The following KIAA0753 variants were observed in gnomAD, a reference collection of about 807,000 sequenced individuals.
The protein encoded by KIAA0753 is KIAA0753.
Under a neutral mutation model 116.9 loss-of-function variants are expected in KIAA0753, and 114 were observed. That is an observed-to-expected ratio of 0.98 (90% confidence interval 0.84 to 1.14). The LOEUF (loss-of-function observed/expected upper bound fraction) is 1.14, where lower values mean the gene tolerates loss of function less well. Among genes scored for constraint, KIAA0753 ranks in the 50% most tolerant of loss-of-function variants. The pLI is 0.00. For missense variants in KIAA0753, 1,156 were observed against 1,172.4 expected, an observed-to-expected ratio of 0.99 and a Z score of 0.20; for synonymous variants, 405 against 413.1, an observed-to-expected ratio of 0.98 and a Z score of 0.24.
chr17:6,589,748 C>T (rs1423554432), intron 18 of KIAA0753, 31 bp downstream of exon 18: 4 of 1,556,020 alleles, frequency 2.6e-6, no homozygotes, highest in Middle Eastern at 4.0e-4. Context: ...CAATTTGGTT[C>T]CTAAACAGAG....
At chr17:6,624,663 G>A (rs1971549687) in intron 4 of KIAA0753, 92 bp downstream of exon 4, 5 of 804,948 alleles carry the variant, frequency 6.2e-6, no homozygotes, top group Non-Finnish European at 1.0e-5. Context: ...ATACTCTAGT[G>A]CTAATCTTTC....
chr17:6,614,910 T>A (rs1970779844), intron 7 of KIAA0753, among the ~76,000 whole-genome samples: 1 of 152,202 alleles, frequency 6.6e-6, no homozygotes, highest in South Asian at 2.1e-4. Flanking sequence ...GAGATTCTCC[T>A]GCCTCAGCCT....
intron 12 of KIAA0753, among the ~76,000 whole-genome samples, chr17:6,606,455 C>A (rs752828501): frequency 6.6e-6 from 1 of 152,120 alleles, no homozygotes; most frequent in African/African-American, 2.4e-5. Context: ...AAAAGGGAAC[C>A]GCATTTGAAA....
rs1314187867 is a variant in KIAA0753 at position 6,628,680 on chromosome 17, GA to G, written c.154del (p.Ser52LeufsTer11). The G allele has an allele frequency of 6.2e-7, 1 of 1,613,860 alleles. No individual in the cohort carries two copies. The highest frequency in any genetic ancestry group is 1.1e-5 in the South Asian group (1 of 90,962). ...THSSNLAIRY[S>X]CPHAIRIEKL... ...TTCAATTCTAATGGCATGTGGGCAA[GA>G]ATATCGGATCGCCAAGTTGCTTGAA... On this transcript the variant is annotated frameshift_variant, in exon 3 of 19. Transcript: ENST00000361413. LOFTEE classifies it high-confidence loss of function.
intron 18 of KIAA0753, among the ~76,000 whole-genome samples, chr17:6,587,611 C>T (rs577515492): frequency 2.6e-5 from 4 of 152,320 alleles, no homozygotes; most frequent in Admixed American, 6.5e-5. Flanking sequence ...AAGCAAGTCG[C>T]GTTTACTTCT....
chr17:6,624,107 G>A (rs1971503908), intron 4 of KIAA0753: 1 of 152,424 alleles, frequency 6.6e-6, no homozygotes, highest in Admixed American at 6.5e-5. Flanking sequence ...AGGCTAACAT[G>A]TGACTTCAGT....
chr17:6,590,950 T>C (rs1005558930), intron 16 of KIAA0753, among the ~76,000 whole-genome samples: 3 of 149,774 alleles, frequency 2.0e-5, no homozygotes, highest in East Asian at 3.9e-4. Context: ...TCTTAAGCAA[T>C]TGGGTTTTTT....
chr17:6,637,241 G>T (rs1043573199), intron 1 of KIAA0753: 1 of 152,534 alleles, frequency 6.6e-6, no homozygotes. Context: ...CCTGCCATGG[G>T]AGCTCCTACA....
At chr17:6,631,145 G>C (rs1369494907) in intron 2 of KIAA0753, among the ~76,000 whole-genome samples, 2 of 152,112 alleles carry the variant, frequency 1.3e-5, no homozygotes, top group African/African-American at 4.8e-5. Flanking sequence ...AAATCCATAA[G>C]GATAGTGGAA....
intron 7 of KIAA0753, among the ~76,000 whole-genome samples, chr17:6,615,227 G>C (rs149899764): frequency 6.6e-6 from 1 of 152,126 alleles, no homozygotes; most frequent in African/African-American, 2.4e-5. Context: ...GAGCCACTGC[G>C]CCTGGCCCAT....
At chr17:6,585,567 C>T (rs1968518696) in intron 18 of KIAA0753, among the ~76,000 whole-genome samples, 1 of 152,110 alleles carries the variant, frequency 6.6e-6, no homozygotes, top group Non-Finnish European at 1.5e-5. Flanking sequence ...TCTCTATTAT[C>T]TAGCTTCTTG....
intron 8 of KIAA0753, 96 bp from the exon 9 acceptor site, chr17:6,610,256 T>C (rs1033652474): frequency 3.0e-6 from 4 of 1,319,340 alleles, no homozygotes; most frequent in Middle Eastern, 1.9e-4. Context: ...CTCCATGTTA[T>C]TCATGCATCC....
At chr17:6,622,851 C>T (rs770971129) in intron 6 of KIAA0753, 31 bp downstream of exon 6, 115 of 1,579,952 alleles carry the variant, frequency 7.3e-5, no homozygotes, top group Middle Eastern at 1.7e-4. Context: ...TTCCAATGCA[C>T]CTCTAACAAA....
At chr17:6,608,997 G>A (rs982157028) in intron 9 of KIAA0753, among the ~76,000 whole-genome samples, 1 of 152,142 alleles carries the variant, frequency 6.6e-6, no homozygotes, top group Non-Finnish European at 1.5e-5. Flanking sequence ...ACAGAATAGA[G>A]TAATAAAAAC....
chr17:6,605,556 G>A (rs777802454), intron 12 of KIAA0753, among the ~76,000 whole-genome samples: 6 of 152,176 alleles, frequency 3.9e-5, no homozygotes, highest in Non-Finnish European at 8.8e-5. Flanking sequence ...GATACTACCA[G>A]AAACACTGCC....
intron 18 of KIAA0753, among the ~76,000 whole-genome samples, chr17:6,582,361 A>AGTT (rs1479822175): frequency 6.6e-6 from 1 of 152,236 alleles, no homozygotes; most frequent in African/African-American, 2.4e-5. Context: ...AAATACAGTT[A>AGTT]AGTTCATGTT....
Position 6,614,739 on chromosome 17 carries a change from T to TCCTC in KIAA0753, c.1316-2595_1316-2592dup, listed in dbSNP as rs571885591. 4.5e-3 allele frequency among the ~76,000 whole-genome samples: 691 copies of TCCTC among 152,310 alleles called. 4 individuals carry two copies. Among genetic ancestry groups the TCCTC allele is most frequent in the Non-Finnish European group, 7.5e-3 (508 of 68,030 alleles). On this transcript the variant is annotated intron_variant, in intron 7 of 18. Coordinates refer to ENST00000361413, the MANE Select transcript of KIAA0753 (RefSeq NM_014804.3). ...TTTCACTTTCCTCAGTTTCAGTTAC[T>TCCTC]CCTCATCAGCCCTGGGTCCAAAAAT...
At chr17:6,635,199 C>A (rs539509587) in intron 1 of KIAA0753, 28 bp from the exon 2 acceptor site, 2 of 881,132 alleles carry the variant, frequency 2.3e-6, no homozygotes, top group Non-Finnish European at 3.8e-6. Flanking sequence ...TACTTCAGAC[C>A]AACAGCGTTG....
chr17:6,612,274 T>C (rs1445803615), intron 7 of KIAA0753, 126 bp from the exon 8 acceptor site: 2 of 692,896 alleles, frequency 2.9e-6, no homozygotes, highest in Non-Finnish European at 4.8e-6. Context: ...GCAGATGTTT[T>C]GTTGTCAACA....
Sources: allele counts gnomAD v4.1 joint callset (sites outside exome capture counted in the v4.1 genomes callset), GRCh38; gene constraint gnomAD v4.1.1; transcripts MANE v1.5; gene names NCBI Gene and HGNC (gene_info 2026-07-23, HGNC 2026-07-21).